UNC13C: variants seen among roughly 807,000 people sequenced by gnomAD.
The protein encoded by UNC13C is unc-13 homolog C, also known as protein unc-13 homolog C.
A neutral mutation model predicts 245.4 loss-of-function variants in UNC13C; 174 were observed. That is an observed-to-expected ratio of 0.71 (90% CI 0.63 to 0.80). UNC13C has a LOEUF of 0.80. Among genes scored for constraint, UNC13C ranks in the 30% least tolerant of loss-of-function variants. The pLI is 0.00. For synonymous variants in UNC13C, 992 were observed against 895.1 expected (o/e 1.11, Z -1.93); for missense variants, 2,829 against 2,602.9 (o/e 1.09, Z -1.89).
chr15:53,916,192 A>G, the UNC13C span, among the ~76,000 whole-genome samples: 2 of 152,216 alleles, frequency 1.3e-5, no homozygotes, highest in Admixed American at 6.5e-5. Flanking sequence ...AGTACAAATT[A>G]ACGTATTAGC....
chr15:54,418,950 C>T (rs1328429346), intron 19 of UNC13C, among the ~76,000 whole-genome samples: 1 of 152,052 alleles, frequency 6.6e-6, no homozygotes, highest in East Asian at 1.9e-4. Context: ...AGTTCCCTTC[C>T]AACCCGCACA....
chr15:54,608,669 G>T (rs1329698204), intron 30 of UNC13C, among the ~76,000 whole-genome samples: 1 of 152,042 alleles, frequency 6.6e-6, no homozygotes, highest in East Asian at 1.9e-4. Flanking sequence ...ATTCAGCACT[G>T]TGTCACGATA....
At chr15:54,018,988 T>A (rs1264693432) in intron 2 of UNC13C, among the ~76,000 whole-genome samples, 1 of 152,240 alleles carries the variant, frequency 6.6e-6, no homozygotes, top group Non-Finnish European at 1.5e-5. Flanking sequence ...TCGCTAAGAC[T>A]ATGACTTTAT....
At chr15:54,374,940 C>T (rs2039573324) in intron 17 of UNC13C, among the ~76,000 whole-genome samples, 1 of 152,172 alleles carries the variant, frequency 6.6e-6, no homozygotes. Flanking sequence ...TTGTACTGCT[C>T]TATAAGAATT....
intron 14 of UNC13C, among the ~76,000 whole-genome samples, chr15:54,327,700 A>T (rs2038334195): frequency 6.6e-6 from 1 of 152,040 alleles, no homozygotes; most frequent in Admixed American, 6.6e-5. Context: ...GGGGAGGTTG[A>T]TCAATGGGAT....
At chr15:53,850,919 A>G in the UNC13C span, among the ~76,000 whole-genome samples, 1 of 149,522 alleles carries the variant, frequency 6.7e-6, no homozygotes, top group African/African-American at 2.5e-5. Context: ...TGCTATTACT[A>G]TGCCTTCCAG....
intron 13 of UNC13C, among the ~76,000 whole-genome samples, chr15:54,316,767 C>T (rs1291899472): frequency 1.3e-5 from 2 of 151,886 alleles, no homozygotes; most frequent in African/African-American, 4.8e-5. Flanking sequence ...TCTGACTTCT[C>T]CTCTCTTCAC....
intron 30 of UNC13C, among the ~76,000 whole-genome samples, chr15:54,588,955 G>A (rs1443368412): frequency 1.3e-5 from 2 of 152,184 alleles, no homozygotes; most frequent in African/African-American, 4.8e-5. Flanking sequence ...GCATGTGCAA[G>A]TATCTTTTTC....
At chr15:54,316,489 T>C (rs551894965) in intron 13 of UNC13C, among the ~76,000 whole-genome samples, 1 of 152,056 alleles carries the variant, frequency 6.6e-6, no homozygotes, top group African/African-American at 2.4e-5. Context: ...CTCACCAGGC[T>C]GTGATATACA....
chr15:54,198,966 C>A (rs995583623), intron 4 of UNC13C, among the ~76,000 whole-genome samples: 2 of 151,784 alleles, frequency 1.3e-5, no homozygotes, highest in African/African-American at 2.4e-5. Context: ...AATGAAAAAT[C>A]TTTAGTGAAA....
At chr15:54,223,841 A>C (rs1242401039) in intron 4 of UNC13C, among the ~76,000 whole-genome samples, 1 of 151,888 alleles carries the variant, frequency 6.6e-6, no homozygotes, top group Non-Finnish European at 1.5e-5. Flanking sequence ...TTTCATTATA[A>C]AGATCTTTCA....
intron 19 of UNC13C, among the ~76,000 whole-genome samples, chr15:54,421,777 G>T (rs1178973488): frequency 6.6e-6 from 1 of 151,948 alleles, no homozygotes; most frequent in African/African-American, 2.4e-5. Flanking sequence ...TGATAAAAAT[G>T]ATCACCAAAG....
chr15:54,539,596 A>G (rs965572053), intron 26 of UNC13C, among the ~76,000 whole-genome samples: 2 of 152,048 alleles, frequency 1.3e-5, no homozygotes, highest in African/African-American at 4.8e-5. Context: ...AGCAGGCCCA[A>G]GCGATCCCAA....
At chr15:53,861,456 A>T in the UNC13C span, among the ~76,000 whole-genome samples, 1 of 117,878 alleles carries the variant, frequency 8.5e-6, no homozygotes, top group Non-Finnish European at 2.0e-5. Context: ...TTATAAGTTC[A>T]TTGGATTTCT....
chr15:54,276,502 T>C (rs1240227851), intron 10 of UNC13C, among the ~76,000 whole-genome samples: 3 of 152,058 alleles, frequency 2.0e-5, no homozygotes, highest in Non-Finnish European at 4.4e-5. Context: ...GCATTAATGG[T>C]TTACAGTGTT....
At chr15:54,303,432 T>C (rs1191895942) in intron 13 of UNC13C, among the ~76,000 whole-genome samples, 1 of 152,110 alleles carries the variant, frequency 6.6e-6, no homozygotes, top group African/African-American at 2.4e-5. Context: ...CTAAAATATC[T>C]CTGGGAGCTG....
chr15:54,308,749 G>T (rs1276462255), intron 13 of UNC13C, among the ~76,000 whole-genome samples: 2 of 151,634 alleles, frequency 1.3e-5, no homozygotes, highest in Admixed American at 1.3e-4. Flanking sequence ...TGAATGAGAT[G>T]ATCATATGGT....
chr15:54,605,900 A>G (rs551672586), intron 30 of UNC13C, among the ~76,000 whole-genome samples: 1 of 152,202 alleles, frequency 6.6e-6, no homozygotes, highest in Non-Finnish European at 1.5e-5. Context: ...TATGGATGAC[A>G]AGCCTTTGCA....
intron 7 of UNC13C, among the ~76,000 whole-genome samples, chr15:54,246,685 A>G (rs1229655824): frequency 6.7e-6 from 1 of 149,508 alleles, no homozygotes; most frequent in Non-Finnish European, 1.5e-5. Context: ...AACATTTAAA[A>G]TAGACTAGCA....
Sources: allele counts gnomAD v4.1 joint callset (sites outside exome capture counted in the v4.1 genomes callset), GRCh38; gene constraint gnomAD v4.1.1; transcripts MANE v1.5; gene names NCBI Gene and HGNC (gene_info 2026-07-23, HGNC 2026-07-21).